Variants in MYO5C observed in about 807,000 individuals in gnomAD.
The protein encoded by MYO5C is unconventional myosin-Vc.
MYO5C carries 194 observed loss-of-function variants against 235.7 expected under a neutral mutation model. That is an observed-to-expected ratio of 0.82 (90% CI 0.73 to 0.93). The LOEUF is 0.93. Ranked by LOEUF, MYO5C falls within the 40% of genes least tolerant of loss-of-function variation. MYO5C has a pLI of 0.00. For synonymous variants in MYO5C, 707 were observed against 754.8 expected, an observed-to-expected ratio of 0.94 and a Z score of 1.04; for missense variants, 2,038 against 2,127.2, an observed-to-expected ratio of 0.96 and a Z score of 0.82.
intron 1 of MYO5C, among the ~76,000 whole-genome samples, chr15:52,283,581 T>C (rs1478631151): frequency 6.6e-6 from 1 of 152,116 alleles, no homozygotes; most frequent in Non-Finnish European, 1.5e-5. Flanking sequence ...AATTCATATG[T>C]TGAAGCCCTA....
intron 28 of MYO5C, 75 bp downstream of exon 28, chr15:52,224,826 G>T: frequency 8.2e-7 from 1 of 1,220,282 alleles, no homozygotes; most frequent in Non-Finnish European, 1.2e-6. Context: ...TCTATGTAAG[G>T]TAAACTTTGG....
intron 1 of MYO5C, among the ~76,000 whole-genome samples, chr15:52,292,275 G>A (rs1281471799): frequency 6.6e-6 from 1 of 152,188 alleles, no homozygotes; most frequent in African/African-American, 2.4e-5. Flanking sequence ...GGAGAGGTAG[G>A]TAGAAAGTGG....
At chr15:52,195,820 A>G (rs962976489) in intron 39 of MYO5C, among the ~76,000 whole-genome samples, 3 of 151,844 alleles carry the variant, frequency 2.0e-5, no homozygotes, top group Non-Finnish European at 4.4e-5. Context: ...TATTTTTGAG[A>G]TAGGGTCTCC....
chr15:52,279,566 C>T lies in MYO5C; in HGVS notation c.247G>A (p.Val83Met). The T allele has an allele frequency of 6.2e-7, 1 of 1,614,082 alleles. No individual in the cohort carries two copies. Among genetic ancestry groups the T allele is most frequent in the Non-Finnish European group, 8.5e-7 (1 of 1,179,948 alleles). The change falls in exon 3 of 41, where the codon GTG becomes ATG. Residue 83 changes from valine to methionine, a missense_variant. Transcript: ENST00000261839. ...TALSYLHEPA[V>M]LHNLRIRFAE... ...AAGCGGATTCTGAGGTTGTGGAGCA[C>T]CGCGGGCTCGTGAAGATAGCTGAGA...
chr15:52,239,072 C>A (rs910867585), intron 21 of MYO5C, among the ~76,000 whole-genome samples: 2 of 152,176 alleles, frequency 1.3e-5, no homozygotes, highest in Non-Finnish European at 2.9e-5. Context: ...TTGCCTCAGC[C>A]TCCAGAGTAG....
Position 52,279,663 on chromosome 15 carries a change from A to C in MYO5C, c.150T>G (p.Tyr50Ter), listed in dbSNP as rs1443509130. The C allele has an allele frequency of 6.2e-7, 1 of 1,612,542 alleles. No individual in the cohort carries two copies. The highest frequency in any genetic ancestry group is 8.5e-7 in the Non-Finnish European group (1 of 1,178,542). ...GAGGCAGAGATTCTGGATTGACAGA[A>C]TAATCCAGCTCCTATGGACAAAGAT... The part of the protein sequence containing the change: ...LLLEDGTELD[Y>*]SVNPESLPPL... The change falls in exon 3 of 41, where the codon TAT becomes TAG. Residue 50 changes from tyrosine to a stop codon, truncating the protein, a stop_gained. Transcript: ENST00000261839. LOFTEE classifies it high-confidence loss of function.
At chr15:52,277,760 G>C (rs1017364166) in intron 4 of MYO5C, 80 of 444,254 alleles carry the variant, frequency 1.8e-4, no homozygotes, top group Non-Finnish European at 3.3e-4. Flanking sequence ...GCACGGCACC[G>C]GGTCTCTGAT....
chr15:52,279,385 C>A, intron 3 of MYO5C, 124 bp downstream of exon 3: 2 of 980,250 alleles, frequency 2.0e-6, no homozygotes, highest in South Asian at 4.0e-5. Context: ...ATTCTCCCCA[C>A]CCAGACACTT....
intron 29 of MYO5C, among the ~76,000 whole-genome samples, chr15:52,223,016 G>T (rs963956493): frequency 6.6e-6 from 1 of 152,048 alleles, no homozygotes; most frequent in African/African-American, 2.4e-5. Flanking sequence ...GACCGTGATG[G>T]TGGGCGCCTG....
intron 6 of MYO5C, among the ~76,000 whole-genome samples, chr15:52,272,225 T>C (rs1484055740): frequency 6.6e-6 from 1 of 152,210 alleles, no homozygotes; most frequent in East Asian, 1.9e-4. Context: ...ACCCCCTCAA[T>C]AGCTCTGATC....
chr15:52,283,999 A>G (rs1237505569), intron 1 of MYO5C, among the ~76,000 whole-genome samples: 1 of 152,166 alleles, frequency 6.6e-6, no homozygotes, highest in African/African-American at 2.4e-5. Flanking sequence ...GTGTCCTTAT[A>G]AGAGACACCT....
At chr15:52,247,432 C>T in intron 15 of MYO5C, 26 bp downstream of exon 15, 1 of 1,612,342 alleles carries the variant, frequency 6.2e-7, no homozygotes, top group South Asian at 1.1e-5. Flanking sequence ...CTTTAGACCC[C>T]TCACTCTCAA....
intron 22 of MYO5C, among the ~76,000 whole-genome samples, chr15:52,236,544 C>T (rs902986928): frequency 2.0e-5 from 3 of 152,136 alleles, no homozygotes; most frequent in Non-Finnish European, 2.9e-5. Context: ...GGCGTCATGG[C>T]GCATGCCTGT....
At position 52,291,740 on chromosome 15, in the gene MYO5C, T is replaced by G. The variant is rs1158922198; in HGVS notation, c.27+3870A>C. Among the ~76,000 whole-genome samples the G allele has an allele frequency of 9.3e-5, 8 of 86,084 alleles. No homozygotes were observed. In the East Asian group the frequency reaches 1.3e-3, roughly 14 times the overall value. The allele number at this position is 86,084 out of a possible 152,430, so 56.5% of individuals were successfully genotyped here. ...TGTTTGCATATTTTATGTTTTTTTT[T>G]TTTTTTTTTTTTTTTTGAGACAGGG... On this transcript the variant is annotated intron_variant, in intron 1 of 40. Coordinates refer to ENST00000261839, the MANE Select transcript of MYO5C (RefSeq NM_018728.4).
At chr15:52,213,699 C>T (rs1206053627) in intron 33 of MYO5C, among the ~76,000 whole-genome samples, 1 of 152,246 alleles carries the variant, frequency 6.6e-6, no homozygotes, top group Non-Finnish European at 1.5e-5. Flanking sequence ...CCTGTGGCTG[C>T]TGTAAAGTTA....
At chr15:52,222,029 T>G (rs1243850048) in intron 29 of MYO5C, among the ~76,000 whole-genome samples, 2 of 152,224 alleles carry the variant, frequency 1.3e-5, no homozygotes, top group African/African-American at 4.8e-5. Context: ...ATTCAACACT[T>G]TATTATAAAA....
At chr15:52,236,568 C>T (rs550278747) in intron 22 of MYO5C, among the ~76,000 whole-genome samples, 18 of 152,182 alleles carry the variant, frequency 1.2e-4, no homozygotes, top group South Asian at 4.2e-4. Flanking sequence ...CCCAGCTACT[C>T]GGGAGGCTGA....
rs12907067 is a variant in MYO5C at position 52,295,683 on chromosome 15, C to T, written c.-47G>A. On this transcript the variant is annotated 5_prime_UTR_variant, in exon 1 of 41. Coordinates refer to ENST00000261839, the MANE Select transcript of MYO5C (RefSeq NM_018728.4). ...GGCCGGGGCTGCCGAACGTGCGAGGCTCGGGGGCTGGGCCTGCGCCGCAGA... is the reference window on the plus strand; with the variant it reads ...GGCCGGGGCTGCCGAACGTGCGAGGTTCGGGGGCTGGGCCTGCGCCGCAGA... The T allele has an allele frequency of 0.67, 890,960 of 1,325,348 alleles. 315,746 individuals carry two copies. Among genetic ancestry groups the T allele is most frequent in the Non-Finnish European group, 0.73 (741,686 of 1,021,286 alleles). The allele number at this position is 1,325,348 out of a possible 1,614,324, so 82.1% of individuals were successfully genotyped here.
At chr15:52,283,231 C>T (rs1264047574) in intron 1 of MYO5C, among the ~76,000 whole-genome samples, 2 of 152,216 alleles carry the variant, frequency 1.3e-5, no homozygotes, top group African/African-American at 2.4e-5. Context: ...ACTGATTTGA[C>T]TATGGAACTC....
Sources: allele counts gnomAD v4.1 joint callset (sites outside exome capture counted in the v4.1 genomes callset), GRCh38; gene constraint gnomAD v4.1.1; transcripts MANE v1.5; gene names NCBI Gene and HGNC (gene_info 2026-07-23, HGNC 2026-07-21).